ARHGAP17: variants seen among roughly 807,000 people sequenced by gnomAD.
ARHGAP17 encodes Rho GTPase activating protein 17.
ARHGAP17 carries 57 observed loss-of-function variants against 99.5 expected under a neutral mutation model. That is an observed-to-expected ratio of 0.57 (90% CI 0.46 to 0.71). The LOEUF is 0.71. Ranked by LOEUF, ARHGAP17 falls within the 30% of genes least tolerant of loss-of-function variation. The pLI is 0.00. For missense variants in ARHGAP17, 1,000 were observed against 1,122.4 expected (o/e 0.89, Z 1.56); for synonymous variants, 417 against 429.6 (o/e 0.97, Z 0.36).
chr16:24,925,644 G>A (rs1000608941), intron 19 of ARHGAP17, among the ~76,000 whole-genome samples: 2 of 152,126 alleles, frequency 1.3e-5, no homozygotes, highest in African/African-American at 2.4e-5. Flanking sequence ...ATCCAACTAG[G>A]AGTAATAATA....
chr16:25,013,459 A>G (rs974591835), intron 1 of ARHGAP17, among the ~76,000 whole-genome samples: 5 of 152,118 alleles, frequency 3.3e-5, no homozygotes, highest in African/African-American at 1.2e-4. Flanking sequence ...CCCACTCTAC[A>G]AAAAATACAA....
intron 9 of ARHGAP17, chr16:24,957,060 G>A (rs557941983): frequency 5.2e-5 from 8 of 152,414 alleles, no homozygotes; most frequent in African/African-American, 1.7e-4. Flanking sequence ...TTCACGCCAA[G>A]GCCGTGAGAG....
At chr16:24,945,025 C>T (rs1391357352) in intron 14 of ARHGAP17, among the ~76,000 whole-genome samples, 3 of 151,794 alleles carry the variant, frequency 2.0e-5, no homozygotes, top group East Asian at 1.9e-4. Context: ...TGTCTGACGC[C>T]AAGGCTCAAA....
In ARHGAP17 at chr16:24,962,477, T is replaced by C. The variant is rs1168137472; in HGVS notation, c.573+1720A>G. ...ATTGGCCAAGAGATTTCACAAAACA[T>C]AGGCCTGCTTTCAGGAGGGTTTAAA... On this transcript the variant is annotated intron_variant, in intron 7 of 19. Coordinates refer to ENST00000289968, the MANE Select transcript of ARHGAP17 (RefSeq NM_001006634.3). Among the ~76,000 whole-genome samples, 12 of 152,296 alleles carry C rather than the reference T, an allele frequency of 7.9e-5. No individual in the cohort carries two copies. The East Asian group carries it at 1.9e-3, about 24-fold the overall frequency.
At chr16:24,965,187 T>C (rs116775482) in intron 6 of ARHGAP17, among the ~76,000 whole-genome samples, 2,449 of 148,492 alleles carry the variant, frequency 0.016, 62 homozygotes, top group African/African-American at 0.057. Flanking sequence ...AAAACCCACG[T>C]TGGCCGGGTG....
intron 19 of ARHGAP17, among the ~76,000 whole-genome samples, chr16:24,925,467 T>C (rs940091739): frequency 2.6e-5 from 4 of 152,220 alleles, no homozygotes; most frequent in Non-Finnish European, 5.9e-5. Flanking sequence ...TTGTGTAATT[T>C]TATCAGGAAC....
At chr16:24,951,465 G>A (rs2051642376) in intron 12 of ARHGAP17, among the ~76,000 whole-genome samples, 1 of 152,094 alleles carries the variant, frequency 6.6e-6, no homozygotes, top group Non-Finnish European at 1.5e-5. Flanking sequence ...GACAACACAA[G>A]GTCCACTTAT....
chr16:24,922,926 C>T (rs2050753188), intron 19 of ARHGAP17, among the ~76,000 whole-genome samples: 1 of 152,154 alleles, frequency 6.6e-6, no homozygotes, highest in African/African-American at 2.4e-5. Flanking sequence ...ATCCTCCCAC[C>T]TCGGCTCCCC....
At chr16:24,987,844 A>G (rs766665262) in intron 1 of ARHGAP17, among the ~76,000 whole-genome samples, 1 of 152,254 alleles carries the variant, frequency 6.6e-6, no homozygotes, top group Non-Finnish European at 1.5e-5. Flanking sequence ...TTTCAATGCT[A>G]GTTACCAGGA....
rs1448602878 is a variant in ARHGAP17 at position 24,943,755 on chromosome 16, C to A, written c.1333+16G>T. ...CACATTGCTTTGGCGGTCAATGAAA[C>A]TGAAGTGAGAATTACCTTCAGGGAA... On this transcript the variant is annotated intron_variant, in intron 15 of 19. Transcript: ENST00000289968. The A allele has an allele frequency of 6.8e-6, 11 of 1,610,444 alleles. No individual in the cohort carries two copies. Among genetic ancestry groups the A allele is most frequent in the Non-Finnish European group, 9.3e-6 (11 of 1,176,762 alleles).
At chr16:24,924,682 G>A (rs2050796749) in intron 19 of ARHGAP17, among the ~76,000 whole-genome samples, 1 of 151,820 alleles carries the variant, frequency 6.6e-6, no homozygotes, top group South Asian at 2.1e-4. Context: ...GGCCAACATG[G>A]TGAAACCCCG....
intron 1 of ARHGAP17, among the ~76,000 whole-genome samples, chr16:24,987,169 G>A (rs2052894866): frequency 6.6e-6 from 1 of 152,192 alleles, no homozygotes; most frequent in South Asian, 2.1e-4. Flanking sequence ...TGCCACTGCA[G>A]CACAAAAGCT....
At chr16:24,927,219 C>T (rs894401444) in intron 19 of ARHGAP17, among the ~76,000 whole-genome samples, 3 of 152,116 alleles carry the variant, frequency 2.0e-5, no homozygotes, top group African/African-American at 4.8e-5. Flanking sequence ...TGCAGTGAGC[C>T]GAGATTGCGC....
chr16:24,949,340 G>C, intron 13 of ARHGAP17, 64 bp downstream of exon 13: 1 of 1,306,810 alleles, frequency 7.7e-7, no homozygotes, highest in South Asian at 1.3e-5. Flanking sequence ...TGAATTAAAT[G>C]ACTTCTCTGC....
intron 9 of ARHGAP17, among the ~76,000 whole-genome samples, chr16:24,958,171 C>T (rs531596176): frequency 1.3e-5 from 2 of 152,146 alleles, no homozygotes; most frequent in Admixed American, 6.5e-5. Context: ...GGAAAATACC[C>T]TTGGGAAAAA....
In ARHGAP17 at chr16:24,977,236, G is replaced by A; in HGVS notation, c.177C>T (p.Gly59=). 1 of 1,590,014 alleles carries A rather than the reference G, an allele frequency of 6.3e-7. No individual in the cohort carries two copies. Among genetic ancestry groups the A allele is most frequent in the African/African-American group, 1.3e-5 (1 of 74,762 alleles). ...RLVACFQGQH[G]TDAERRHKKL... ...TCACGTGTCTCCTCTCGGCATCGGT[G>A]CCATGCTGGCCCTGGAAACATGCCA... The change falls in exon 3 of 20, where the codon GGC becomes GGT. Residue 59 remains glycine (G), a synonymous_variant. Transcript: ENST00000289968.
chr16:24,922,180 C>A (rs2050734903), intron 19 of ARHGAP17, among the ~76,000 whole-genome samples: 1 of 152,170 alleles, frequency 6.6e-6, no homozygotes, highest in African/African-American at 2.4e-5. Flanking sequence ...TCTTGGCCCC[C>A]AAAAACAGAA....
At chr16:24,926,324 G>A (rs772411273) in intron 19 of ARHGAP17, among the ~76,000 whole-genome samples, 20 of 151,804 alleles carry the variant, frequency 1.3e-4, no homozygotes, top group Non-Finnish European at 2.8e-4. Flanking sequence ...GTAGTGGCAC[G>A]ATCTCAGCTC....
At chr16:24,951,823 T>C (rs1375111162) in intron 12 of ARHGAP17, among the ~76,000 whole-genome samples, 1 of 152,206 alleles carries the variant, frequency 6.6e-6, no homozygotes, top group Non-Finnish European at 1.5e-5. Flanking sequence ...TATTAGTTGT[T>C]TTGAGGGAGT....
Sources: allele counts gnomAD v4.1 joint callset (sites outside exome capture counted in the v4.1 genomes callset), GRCh38; gene constraint gnomAD v4.1.1; transcripts MANE v1.5; gene names NCBI Gene and HGNC (gene_info 2026-07-23, HGNC 2026-07-21).